Variants in FRMPD4 observed in about 807,000 individuals in gnomAD.
FRMPD4 encodes FERM and PDZ domain containing 4.
In FRMPD4, 22 loss-of-function variants were observed where a neutral mutation model predicts 94.1. The ratio of observed to expected loss-of-function variants is 0.23; its 90% CI spans 0.17 to 0.33. FRMPD4 has a LOEUF of 0.33. FRMPD4 is among the 10% of genes least tolerant of loss of function. The probability of loss-of-function intolerance (pLI) is 1.00; values close to 1 mark genes in which losing one functional copy is unlikely to be tolerated. For synonymous variants in FRMPD4, 631 were observed against 548.6 expected, an observed-to-expected ratio of 1.15 and a Z score of -2.10; for missense variants, 1,111 against 1,339.9, an observed-to-expected ratio of 0.83 and a Z score of 2.67.
At chrX:12,111,645 G>A (rs1358105533) in intron 3 of FRMPD4, among the ~76,000 whole-genome samples, 5 of 111,712 alleles carry the variant, frequency 4.5e-5, no homozygotes, top group African/African-American at 1.6e-4. Context: ...CCTACAGAAT[G>A]GGAGAAAATT....
At chrX:12,592,349 A>G (rs1446518540) in intron 2 of FRMPD4, among the ~76,000 whole-genome samples, 6 of 111,776 alleles carry the variant, frequency 5.4e-5, no homozygotes, top group Admixed American at 9.4e-5. Context: ...GATTAAATAC[A>G]TTTATGTTTT....
rs758740360 is a variant in FRMPD4, at chrX:12,665,847, C to T, written c.423-9016C>T. 8.1e-5 allele frequency among the ~76,000 whole-genome samples: 9 copies of T among 111,576 alleles called. No individual in the cohort carries two copies. In the South Asian group the frequency reaches 1.5e-3, roughly 19 times the overall value. ...ACCAAATTGTAAAGGCCATTGACAC[C>T]GTGAAGAAACTGCATCAACTAATGG... On this transcript the variant is annotated intron_variant, in intron 4 of 16. Transcript: ENST00000675598.
chrX:11,990,552 C>T (rs1353780337), intron 3 of FRMPD4, among the ~76,000 whole-genome samples: 3 of 112,265 alleles, frequency 2.7e-5, no homozygotes, highest in Non-Finnish European at 5.6e-5. Flanking sequence ...TACTAAATAT[C>T]TGTGCCAAAG....
chrX:12,292,001 C>T (rs1237113132), intron 1 of FRMPD4, among the ~76,000 whole-genome samples: 1 of 112,052 alleles, frequency 8.9e-6, no homozygotes, highest in Non-Finnish European at 1.9e-5. Flanking sequence ...CTGTGCTTGG[C>T]AAATACGTGT....
rs1022196269 is a variant in FRMPD4, at chrX:12,092,368, G to A, written c.95+214350G>A. Among the ~76,000 whole-genome samples the A allele has an allele frequency of 7.1e-5, 8 of 111,979 alleles. No individual in the cohort carries two copies. The East Asian group carries it at 8.4e-4, about 12-fold the overall frequency. ...GGACTGAAACTTTGATGTTTTCCTC[G>A]TTTTCCACATCAGGAAATAAGGTCA... On this transcript the variant is annotated intron_variant, in intron 3 of 18. Coordinates refer to the FRMPD4 transcript ENST00000640291.
chrX:12,633,457 G>A (rs142451609), intron 4 of FRMPD4, among the ~76,000 whole-genome samples: 45 of 111,904 alleles, frequency 4.0e-4, no homozygotes, highest in African/African-American at 1.4e-3. Flanking sequence ...CCTTTTGAAT[G>A]GCGAGAGCTG....
intron 1 of FRMPD4, among the ~76,000 whole-genome samples, chrX:12,458,112 A>G (rs1226126072): frequency 8.9e-6 from 1 of 112,115 alleles, no homozygotes; most frequent in Non-Finnish European, 1.9e-5. Flanking sequence ...TCAGCACCCA[A>G]TAAAAACTTT....
At chrX:12,031,313 A>G (rs972553649) in intron 3 of FRMPD4, among the ~76,000 whole-genome samples, 1 of 112,439 alleles carries the variant, frequency 8.9e-6, no homozygotes, top group African/African-American at 3.2e-5. Context: ...ATCTTCCAAA[A>G]TAAATTCTAC....
intron 3 of FRMPD4, among the ~76,000 whole-genome samples, chrX:11,991,179 T>G (rs2054461803): frequency 8.9e-6 from 1 of 111,810 alleles, no homozygotes; most frequent in Non-Finnish European, 1.9e-5. Context: ...TACCATATTT[T>G]GTTGGCAAGT....
At chrX:11,984,291 A>T (rs2054414530) in intron 3 of FRMPD4, among the ~76,000 whole-genome samples, 1 of 112,307 alleles carries the variant, frequency 8.9e-6, no homozygotes, top group East Asian at 2.8e-4. Flanking sequence ...ATTCCCAAAA[A>T]ACTGTTGCCA....
At chrX:12,273,311 G>A (rs1050593293) in intron 1 of FRMPD4, among the ~76,000 whole-genome samples, 1 of 111,783 alleles carries the variant, frequency 8.9e-6, no homozygotes, top group Admixed American at 9.5e-5. Context: ...GTCTAAAATT[G>A]TTAAATAAGA....
At chrX:12,438,429 C>A (rs1262344837) in intron 1 of FRMPD4, among the ~76,000 whole-genome samples, 1 of 108,539 alleles carries the variant, frequency 9.2e-6, no homozygotes, top group Non-Finnish European at 1.9e-5. Context: ...CAGACTCTTA[C>A]TGAAAAGACA....
intron 1 of FRMPD4, among the ~76,000 whole-genome samples, chrX:12,374,615 A>G (rs757482118): frequency 8.9e-6 from 1 of 112,169 alleles, no homozygotes; most frequent in Non-Finnish European, 1.9e-5. Flanking sequence ...ACAAAACCTT[A>G]CTTGCCATTT....
intron 3 of FRMPD4, among the ~76,000 whole-genome samples, chrX:11,917,934 T>C (rs1185559373): frequency 9.0e-6 from 1 of 110,811 alleles, no homozygotes; most frequent in Non-Finnish European, 1.9e-5. Context: ...GACACTGTTC[T>C]GTGAAAATGT....
intron 1 of FRMPD4, among the ~76,000 whole-genome samples, chrX:12,235,880 G>T (rs764386495): frequency 8.9e-6 from 1 of 111,763 alleles, no homozygotes; most frequent in South Asian, 3.8e-4. Flanking sequence ...CTGTAAATGA[G>T]GATAATAGTG....
intron 2 of FRMPD4, among the ~76,000 whole-genome samples, chrX:12,530,660 G>T (rs1469057535): frequency 1.8e-5 from 2 of 111,831 alleles, no homozygotes; most frequent in Non-Finnish European, 3.8e-5. Flanking sequence ...ATCCAGGGAA[G>T]AGTTGTGAGA....
intron 3 of FRMPD4, among the ~76,000 whole-genome samples, chrX:12,093,852 C>A (rs1454067849): frequency 9.1e-6 from 1 of 109,346 alleles, no homozygotes; most frequent in Non-Finnish European, 1.9e-5. Context: ...CTGTCTAGTT[C>A]TCTTCTTTCT....
intron 3 of FRMPD4, among the ~76,000 whole-genome samples, chrX:11,983,985 G>T (rs746225123): frequency 2.7e-5 from 3 of 111,504 alleles, no homozygotes; most frequent in Non-Finnish European, 5.7e-5. Flanking sequence ...ACATTAACTG[G>T]AGAAAAGCAA....
At chrX:12,497,374 GT>G (rs898884504) in intron 1 of FRMPD4, among the ~76,000 whole-genome samples, 2 of 109,092 alleles carry the variant, frequency 1.8e-5, no homozygotes, top group Admixed American at 9.7e-5. Flanking sequence ...AAATTGGTGG[GT>G]TTTTTTGGTT....
Sources: allele counts gnomAD v4.1 joint callset (sites outside exome capture counted in the v4.1 genomes callset), GRCh38; gene constraint gnomAD v4.1.1; transcripts MANE v1.5; gene names NCBI Gene and HGNC (gene_info 2026-07-23, HGNC 2026-07-21).